The following SMC6 variants were observed in gnomAD, a reference collection of about 807,000 sequenced individuals.
The protein encoded by SMC6 is structural maintenance of chromosomes 6.
A neutral mutation model predicts 142.2 loss-of-function variants in SMC6; 79 were observed. The ratio of observed to expected loss-of-function variants is 0.56; its 90% CI spans 0.46 to 0.67. The LOEUF is 0.67. Among genes scored for constraint, SMC6 ranks in the 30% least tolerant of loss-of-function variants. The pLI is 0.00. For synonymous variants in SMC6, 411 were observed against 412.4 expected (o/e 1.00, Z 0.04); for missense variants, 1,072 against 1,284.0 (o/e 0.83, Z 2.52).
intron 9 of SMC6, among the ~76,000 whole-genome samples, chr2:17,725,025 A>G (rs1669547112): frequency 1.3e-5 from 2 of 152,206 alleles, no homozygotes; most frequent in Admixed American, 6.5e-5. Context: ...TCTCTATCTT[A>G]TAATCTAATA....
At chr2:17,671,678 T>G (rs1420939992) in intron 25 of SMC6, among the ~76,000 whole-genome samples, 4 of 151,304 alleles carry the variant, frequency 2.6e-5, no homozygotes, top group Non-Finnish European at 5.9e-5. Flanking sequence ...TAAAATCTTT[T>G]AAAATTTAAA....
chr2:17,692,294 G>C (rs1238503012), intron 23 of SMC6, among the ~76,000 whole-genome samples: 1 of 152,138 alleles, frequency 6.6e-6, no homozygotes, highest in Non-Finnish European at 1.5e-5. Flanking sequence ...CATGCTACCT[G>C]ACTTCAAACT....
In SMC6 at chr2:17,741,617, T is replaced by C; in HGVS notation, c.233A>G (p.Asn78Ser). ...GSNVNFVVGNNGSGKSAVLTA... is the reference protein window; with the variant it reads ...GSNVNFVVGNSGSGKSAVLTA... ...AGAAGGGAAAAAACACTTACTTCCA[T>C]TGTTGCCAACAACAAAGTTGACATT... The change falls in exon 4 of 28, where the codon AAT (asparagine) becomes AGT (serine). Residue 78 changes from asparagine (N) to serine (S), a missense_variant. By Grantham distance (46) the Asn-to-Ser change is conservative. Transcript: ENST00000448223. 6.2e-7 allele frequency: 1 copy of C among 1,600,316 alleles called. No individual in the cohort carries two copies. Among genetic ancestry groups the C allele is most frequent in the Admixed American group, 1.7e-5 (1 of 58,364 alleles).
chr2:17,664,987 AG>A lies in SMC6; in HGVS notation c.*511del, dbSNP rs139683246. 1,944 of 152,534 alleles carry A rather than the reference AG, an allele frequency of 0.013. 22 individuals carry two copies. The highest frequency in any genetic ancestry group is 0.03 in the East Asian group (158 of 5,184). The allele number at this position is 152,534 out of a possible 1,614,324, so 9.4% of individuals were successfully genotyped here. On this transcript the variant is annotated 3_prime_UTR_variant, in exon 28 of 28. Coordinates refer to ENST00000448223, the MANE Select transcript of SMC6 (RefSeq NM_001142286.2). Reference sequence around the variant, plus strand: ...AAAGGACTGCAAAAAAGGCATGTGTAGAAGTTGGCAAAGCTTCAGTGTTCCG... The same window carrying A: ...AAAGGACTGCAAAAAAGGCATGTGTAAAGTTGGCAAAGCTTCAGTGTTCCG...
At chr2:17,696,098 C>T (rs1667974536) in intron 22 of SMC6, among the ~76,000 whole-genome samples, 191 bp downstream of exon 22, 1 of 152,112 alleles carries the variant, frequency 6.6e-6, no homozygotes, top group African/African-American at 2.4e-5. Context: ...CAGAGTCTTG[C>T]CTATTTAAGT....
chr2:17,741,711 T>C lies in SMC6; in HGVS notation c.139A>G (p.Ile47Val). The C allele has an allele frequency of 6.2e-7, 1 of 1,607,484 alleles. No homozygotes were observed. Among genetic ancestry groups the C allele is most frequent in the Non-Finnish European group, 8.5e-7 (1 of 1,176,596 alleles). Residue 47 changes from isoleucine (I) to valine (V), a missense_variant, in exon 4 of 28, where the codon ATA becomes GTA. Physicochemically the swap from Ile to Val is conservative, Grantham distance 29. Coordinates refer to ENST00000448223, the MANE Select transcript of SMC6 (RefSeq NM_001142286.2). ...TTTTTTAGGTGAATACTCTCAATTA[T>C]TCCAACTTCTGCTGCAGTCTATTAA... is the stretch of plus-strand genomic sequence containing the variant. ...GTTLTAAEVGIIESIHLKNFM... is the reference protein window; with the variant it reads ...GTTLTAAEVGVIESIHLKNFM...
intron 18 of SMC6, among the ~76,000 whole-genome samples, chr2:17,704,870 A>G (rs1668427996): frequency 6.6e-6 from 1 of 152,132 alleles, no homozygotes; most frequent in Non-Finnish European, 1.5e-5. Context: ...AGGTGCAAAA[A>G]TTTAATATGG....
intron 13 of SMC6, 84 bp downstream of exon 13, chr2:17,717,004 A>G: frequency 6.6e-7 from 1 of 1,520,334 alleles, no homozygotes; most frequent in Non-Finnish European, 8.9e-7. Context: ...TAACAACAAT[A>G]CATAAAATAT....
chr2:17,726,483 A>G lies in SMC6; in HGVS notation c.544-14T>C, dbSNP rs1455051936. 1 of 1,600,822 alleles carries G rather than the reference A, an allele frequency of 6.2e-7. No individual in the cohort carries two copies. The highest frequency in any genetic ancestry group is 1.3e-5 in the African/African-American group (1 of 74,344). ...TGGATTATCCACCTCAAACAAACAA[A>G]AAGTCATTTTTGAATATTTTACTTT... On this transcript the variant is annotated splice_polypyrimidine_tract_variant and intron_variant, in intron 7 of 27. Coordinates refer to ENST00000448223, the MANE Select transcript of SMC6 (RefSeq NM_001142286.2).
chr2:17,713,857 C>G (rs564727713), intron 16 of SMC6, among the ~76,000 whole-genome samples: 50 of 152,310 alleles, frequency 3.3e-4, no homozygotes, highest in Admixed American at 8.5e-4. Context: ...CTTTTTCTAT[C>G]ACTTGACAAA....
At chr2:17,709,948 A>G (rs912878581) in intron 16 of SMC6, among the ~76,000 whole-genome samples, 3 of 152,196 alleles carry the variant, frequency 2.0e-5, no homozygotes, top group Non-Finnish European at 4.4e-5. Context: ...CAGGGAGGGA[A>G]GTGTTTCCAG....
chr2:17,724,734 GGTGA>G (rs1266752920), intron 9 of SMC6, among the ~76,000 whole-genome samples: 16 of 152,304 alleles, frequency 1.1e-4, no homozygotes, highest in Admixed American at 2.6e-4. Flanking sequence ...TGCCAAGCCT[GGTGA>G]GTAAGGATGT....
intron 21 of SMC6, among the ~76,000 whole-genome samples, chr2:17,696,840 C>T (rs1223522883): frequency 6.6e-6 from 1 of 152,112 alleles, no homozygotes; most frequent in Non-Finnish European, 1.5e-5. Context: ...TCTGGTATAA[C>T]TTCACAATTT....
chr2:17,736,931 T>G (rs1049480932), intron 5 of SMC6, among the ~76,000 whole-genome samples: 3 of 151,990 alleles, frequency 2.0e-5, no homozygotes, highest in African/African-American at 7.2e-5. Flanking sequence ...TAAAAAAAAT[T>G]TTTAAATATA....
chr2:17,722,376 T>A (rs778828289), intron 9 of SMC6, among the ~76,000 whole-genome samples: 2 of 152,190 alleles, frequency 1.3e-5, no homozygotes, highest in Non-Finnish European at 2.9e-5. Context: ...CCACTGATTT[T>A]CCATCACATC....
rs775196672 is a variant in SMC6 at position 17,741,635 on chromosome 2, T to C, written c.215A>G (p.Asn72Ser). Reference protein sequence around the residue: ...LGPFKFGSNVNFVVGNNGSGK... With the variant: ...LGPFKFGSNVSFVVGNNGSGK... ...ACTTCCATTGTTGCCAACAACAAAG[T>C]TGACATTAGAACCAAACTTAAAAGG... Residue 72 changes from asparagine to serine, a missense_variant, in exon 4 of 28, where the codon AAC becomes AGC. Physicochemically the swap from Asn to Ser is conservative, Grantham distance 46 (BLOSUM62 1). Transcript: ENST00000448223. 3 of 1,610,142 alleles carry C rather than the reference T, an allele frequency of 1.9e-6. No individual in the cohort carries two copies. The highest frequency in any genetic ancestry group is 2.5e-6 in the Non-Finnish European group (3 of 1,178,388).
At chr2:17,746,728 T>C (rs773458046) in intron 2 of SMC6, among the ~76,000 whole-genome samples, 2 of 152,198 alleles carry the variant, frequency 1.3e-5, no homozygotes, top group Non-Finnish European at 2.9e-5. Flanking sequence ...AAGCTGATAG[T>C]TTATGATTAA....
chr2:17,699,470 G>A (rs1219822613), intron 21 of SMC6, among the ~76,000 whole-genome samples: 2 of 151,962 alleles, frequency 1.3e-5, no homozygotes, highest in Non-Finnish European at 2.9e-5. Flanking sequence ...TCTTTAATCT[G>A]TAAGTTTATG....
At chr2:17,716,632 T>C (rs1331811643) in intron 14 of SMC6, 109 bp downstream of exon 14, 3 of 1,116,970 alleles carry the variant, frequency 2.7e-6, no homozygotes, top group African/African-American at 3.2e-5. Flanking sequence ...TTTAAAAAGA[T>C]CCCTTATTAT....
Sources: gnomAD v4.1 joint callset for allele counts (sites outside exome capture counted in the v4.1 genomes callset) on GRCh38, gnomAD v4.1.1 for gene constraint, MANE v1.5 for transcripts, NCBI Gene and HGNC (gene_info 2026-07-23, HGNC 2026-07-21) for gene names.